SNX3: variants seen among roughly 807,000 people sequenced by gnomAD.
SNX3 encodes sorting nexin-3.
In SNX3, 5 loss-of-function variants were observed where a neutral mutation model predicts 17.7. The ratio of observed to expected loss-of-function variants is 0.28; its 90% confidence interval spans 0.15 to 0.59. SNX3 has a LOEUF of 0.59. SNX3 is among the 20% of genes least tolerant of loss of function. SNX3 has a pLI of 0.88. For synonymous variants in SNX3, 91 were observed against 76.5 expected (o/e 1.19, Z -0.99); for missense variants, 132 against 206.8 (o/e 0.64, Z 2.22).
At chr6:108,236,377 TA>T (rs200552909) in intron 1 of SNX3, among the ~76,000 whole-genome samples, 51 of 124,956 alleles carry the variant, frequency 4.1e-4, no homozygotes, top group Middle Eastern at 3.9e-3. Context: ...TTATTATTAT[TA>T]TTTTTTTTTT....
chr6:108,218,968 C>T (rs1774670009), intron 2 of SNX3, among the ~76,000 whole-genome samples: 2 of 152,190 alleles, frequency 1.3e-5, no homozygotes, highest in African/African-American at 2.4e-5. Flanking sequence ...GGTTGCACAA[C>T]TCTGTGAACA....
At chr6:108,240,407 T>C (rs975045040) in intron 1 of SNX3, among the ~76,000 whole-genome samples, 6 of 152,222 alleles carry the variant, frequency 3.9e-5, no homozygotes, top group African/African-American at 1.4e-4. Context: ...TTAGTAGATA[T>C]GGAGTTTCAC....
At position 108,260,913 on chromosome 6, in the gene SNX3, C is replaced by G; in HGVS notation, c.9G>C (p.Glu3Asp). The change falls in exon 1 of 4, where the codon GAG becomes GAC. Residue 3 changes from glutamate (E) to aspartate (D), a missense_variant. Around this residue, in one of 2 missense-constraint regions of SNX3, gnomAD observed 78 missense variants for 88.8 expected, o/e 0.88. Coordinates refer to ENST00000230085, the MANE Select transcript of SNX3 (RefSeq NM_003795.6). ...TCAGCCGCCGGGTGTCAGCCACGGTCTCCGCCATTTCGCTGTAGCTGCTGC... is the reference window on the plus strand; with the variant it reads ...TCAGCCGCCGGGTGTCAGCCACGGTGTCCGCCATTTCGCTGTAGCTGCTGC... MA[E>D]TVADTRRLIT... 1 of 1,595,474 alleles carries G rather than the reference C, an allele frequency of 6.3e-7. No homozygotes were observed. Among genetic ancestry groups the G allele is most frequent in the East Asian group, 2.4e-5 (1 of 42,356 alleles).
chr6:108,252,052 G>A lies in SNX3; in HGVS notation c.162+8708C>T, dbSNP rs1775874977. On this transcript the variant is annotated intron_variant, in intron 1 of 3. Coordinates refer to ENST00000230085, the MANE Select transcript of SNX3 (RefSeq NM_003795.6). ...TGCACTCCAGCCTGGGCAACAGGGT[G>A]AGAGACTGTCTCAAAAATAAATAAA... is the stretch of plus-strand genomic sequence containing the variant. 4.7e-5 allele frequency among the ~76,000 whole-genome samples: 7 copies of A among 147,372 alleles called. No homozygotes were observed. In the South Asian group the frequency reaches 1.5e-3, roughly 31 times the overall value.
intron 2 of SNX3, among the ~76,000 whole-genome samples, chr6:108,218,406 T>C (rs948288656): frequency 2.6e-5 from 4 of 152,138 alleles, no homozygotes; most frequent in African/African-American, 9.7e-5. Flanking sequence ...TGGAGAAAAG[T>C]AGAACCTCAC....
At chr6:108,235,760 G>A (rs1775309864) in intron 1 of SNX3, among the ~76,000 whole-genome samples, 1 of 152,140 alleles carries the variant, frequency 6.6e-6, no homozygotes, top group Non-Finnish European at 1.5e-5. Flanking sequence ...GCCGGGCATG[G>A]TGGTGCATGC....
At chr6:108,255,769 G>A (rs1776009434) in intron 1 of SNX3, among the ~76,000 whole-genome samples, 1 of 152,140 alleles carries the variant, frequency 6.6e-6, no homozygotes, top group Non-Finnish European at 1.5e-5. Flanking sequence ...GGATATTAAT[G>A]ACTCCTAATT....
chr6:108,229,627 G>A lies in SNX3; in HGVS notation c.163-6582C>T, dbSNP rs116416658. On this transcript the variant is annotated intron_variant, in intron 1 of 3. Transcript: ENST00000230085. ...TTTGAGACAGAGTTTCGCTCTTGTC[G>A]CCCATGCTAGGGTAAAATGGCGCGA... 3.1e-3 allele frequency among the ~76,000 whole-genome samples: 477 copies of A among 152,212 alleles called. 4 individuals are homozygous for A. The highest frequency in any genetic ancestry group is 0.011 in the African/African-American group (460 of 41,526).
chr6:108,214,154 T>C (rs957502743), intron 3 of SNX3, among the ~76,000 whole-genome samples: 2 of 152,204 alleles, frequency 1.3e-5, no homozygotes, highest in Non-Finnish European at 2.9e-5. Flanking sequence ...TGCAAGTACA[T>C]TGTAAGTTTT....
Position 108,257,380 on chromosome 6 carries a change from A to G in SNX3, c.162+3380T>C, listed in dbSNP as rs9486840. On this transcript the variant is annotated intron_variant, in intron 1 of 3. Transcript: ENST00000230085. ...AAAAAATAAAAAATTAGCCAGGTAT[A>G]GTAGTACCCTGTAGTCCAGCTACTT... Among the ~76,000 whole-genome samples, 1,247 of 152,184 alleles carry G rather than the reference A, an allele frequency of 8.2e-3. 14 individuals carry two copies. Among genetic ancestry groups the G allele is most frequent in the African/African-American group, 0.026 (1,084 of 41,520 alleles).
chr6:108,235,882 T>C (rs1422819466), intron 1 of SNX3, among the ~76,000 whole-genome samples: 1 of 152,116 alleles, frequency 6.6e-6, no homozygotes, highest in African/African-American at 2.4e-5. Context: ...AGTGAGACTC[T>C]ACCTCAAAAA....
At chr6:108,238,011 A>G (rs1312012103) in intron 1 of SNX3, among the ~76,000 whole-genome samples, 5 of 148,784 alleles carry the variant, frequency 3.4e-5, no homozygotes, top group African/African-American at 1.3e-4. Context: ...GTGGGAGATC[A>G]CCTGAGCCCA....
At chr6:108,217,566 C>A (rs545539215) in intron 2 of SNX3, among the ~76,000 whole-genome samples, 1 of 152,098 alleles carries the variant, frequency 6.6e-6, no homozygotes, top group East Asian at 1.9e-4. Context: ...ACCAGCCTGG[C>A]CAACATGGTG....
rs1451898325 is a variant in SNX3 at position 108,212,140 on chromosome 6, T to A, written c.*9A>T. On this transcript the variant is annotated 3_prime_UTR_variant, in exon 4 of 4. Coordinates refer to ENST00000230085, the MANE Select transcript of SNX3 (RefSeq NM_003795.6). Reference sequence around the variant, plus strand: ...TAATAGTCACGTTTTTGCCCCTTCTTGCCAAATTTCAGGCATGTCTTATTT... The same window carrying A: ...TAATAGTCACGTTTTTGCCCCTTCTAGCCAAATTTCAGGCATGTCTTATTT... The A allele has an allele frequency of 6.5e-7, 1 of 1,530,894 alleles. No homozygotes were observed. Among genetic ancestry groups the A allele is most frequent in the Non-Finnish European group, 8.9e-7 (1 of 1,118,132 alleles). The allele number at this position is 1,530,894 out of a possible 1,614,324, so 94.8% of individuals were successfully genotyped here.
At chr6:108,214,420 G>A in intron 3 of SNX3, 78 bp downstream of exon 3, 1 of 1,391,164 alleles carries the variant, frequency 7.2e-7, no homozygotes, top group Admixed American at 2.2e-5. Flanking sequence ...AAAGGCAACA[G>A]TGCAGTTTAG....
intron 1 of SNX3, among the ~76,000 whole-genome samples, chr6:108,238,101 CAA>C (rs11287104): frequency 2.6e-3 from 218 of 85,400 alleles, no homozygotes; most frequent in Middle Eastern, 6.1e-3. Context: ...GATCCTGTCT[CAA>C]AAAAAAAAAA....
intron 2 of SNX3, among the ~76,000 whole-genome samples, chr6:108,217,202 T>TA (rs1774613555): frequency 6.6e-6 from 1 of 151,346 alleles, no homozygotes. Flanking sequence ...AGGAAAATGA[T>TA]AAAAAATGTA....
chr6:108,214,675 T>G (rs909206345), intron 2 of SNX3, 53 bp from the exon 3 acceptor site: 3 of 1,574,426 alleles, frequency 1.9e-6, no homozygotes, highest in Non-Finnish European at 2.6e-6. Flanking sequence ...TTGTGAAAAT[T>G]TATAGAGCAC....
chr6:108,213,300 T>C (rs1774464067), intron 3 of SNX3, among the ~76,000 whole-genome samples: 1 of 152,206 alleles, frequency 6.6e-6, no homozygotes, highest in Non-Finnish European at 1.5e-5. Context: ...GTATTTTGTT[T>C]GTTTTTGCCT....
Sources: allele counts gnomAD v4.1 joint callset (sites outside exome capture counted in the v4.1 genomes callset), GRCh38; gene constraint gnomAD v4.1.1; regional missense constraint gnomAD v4.1.1; transcripts MANE v1.5; gene names NCBI Gene and HGNC (gene_info 2026-07-23, HGNC 2026-07-21).